Variants in MTUS2 observed in about 807,000 individuals in gnomAD.
The protein encoded by MTUS2 is microtubule associated scaffold protein 2, also known as microtubule-associated tumor suppressor candidate 2.
A neutral mutation model predicts 114.1 loss-of-function variants in MTUS2; 40 were observed. The observed-to-expected ratio is 0.35, with a 90% CI of 0.27 to 0.46. The LOEUF is 0.46. MTUS2 is among the 20% of genes least tolerant of loss of function. The pLI, the probability that MTUS2 is intolerant of heterozygous loss-of-function variation, is 1.00. For missense variants in MTUS2, 1,679 were observed against 1,705.4 expected, an observed-to-expected ratio of 0.98 and a Z score of 0.27; for synonymous variants, 688 against 672.0, an observed-to-expected ratio of 1.02 and a Z score of -0.37.
intron 5 of MTUS2, among the ~76,000 whole-genome samples, chr13:29,225,141 C>A (rs113619844): frequency 6.6e-6 from 1 of 152,228 alleles, no homozygotes; most frequent in Non-Finnish European, 1.5e-5. Context: ...CCAGTTCCTG[C>A]CTCCTGTAGG....
intron 2 of MTUS2, among the ~76,000 whole-genome samples, chr13:28,957,850 G>A (rs1200131452): frequency 6.6e-6 from 1 of 152,194 alleles, no homozygotes; most frequent in Non-Finnish European, 1.5e-5. Context: ...CATGAACCCT[G>A]CAATATGATG....
At chr13:29,342,142 T>G (rs9508384) in intron 7 of MTUS2, among the ~76,000 whole-genome samples, 110,502 of 151,950 alleles carry the variant, frequency 0.73, 44,221 homozygotes, top group East Asian at 0.9. Flanking sequence ...GACTCTTTTT[T>G]GGTTCTATAT....
intron 8 of MTUS2, among the ~76,000 whole-genome samples, chr13:29,373,324 G>A (rs866031648): frequency 1.3e-5 from 2 of 152,108 alleles, no homozygotes; most frequent in African/African-American, 4.8e-5. Flanking sequence ...TTATCTCCAT[G>A]TACACATACC....
At chr13:29,470,292 G>C (rs1428624148) in intron 9 of MTUS2, among the ~76,000 whole-genome samples, 1 of 152,174 alleles carries the variant, frequency 6.6e-6, no homozygotes, top group Non-Finnish European at 1.5e-5. Flanking sequence ...AAATTTAGCA[G>C]TCTTGAATTT....
At chr13:29,410,618 A>G (rs184915796) in intron 8 of MTUS2, among the ~76,000 whole-genome samples, 263 of 152,228 alleles carry the variant, frequency 1.7e-3, no homozygotes, top group African/African-American at 6.0e-3. Context: ...AGTTTTTTAT[A>G]TATTACAGAT....
intron 7 of MTUS2, among the ~76,000 whole-genome samples, chr13:29,343,235 A>G (rs1303717400): frequency 2.0e-5 from 3 of 152,022 alleles, no homozygotes; most frequent in Non-Finnish European, 4.4e-5. Flanking sequence ...GATTGGTACC[A>G]GTTCTTCTTT....
At chr13:29,154,859 A>G (rs944760348) in intron 5 of MTUS2, among the ~76,000 whole-genome samples, 1 of 152,216 alleles carries the variant, frequency 6.6e-6, no homozygotes, top group Non-Finnish European at 1.5e-5. Context: ...TTTTGAGTCT[A>G]TAATTTTTTA....
intron 8 of MTUS2, among the ~76,000 whole-genome samples, chr13:29,368,190 G>A (rs1240255694): frequency 4.6e-5 from 7 of 151,398 alleles, no homozygotes; most frequent in South Asian, 2.1e-4. Context: ...TGCCCACCTC[G>A]ACCTCCCAAA....
intron 2 of MTUS2, among the ~76,000 whole-genome samples, chr13:28,895,460 A>G (rs1879208418): frequency 1.3e-5 from 2 of 152,192 alleles, no homozygotes; most frequent in Admixed American, 6.5e-5. Context: ...TTGGAACCAC[A>G]TAACTCCCCA....
At chr13:29,337,517 AGTTGGAAATAC>A (rs1337930431) in intron 7 of MTUS2, among the ~76,000 whole-genome samples, 6 of 152,082 alleles carry the variant, frequency 3.9e-5, no homozygotes, top group Non-Finnish European at 7.4e-5. Context: ...CATGTACCTC[AGTTGGAAATAC>A]AAAAATCACC....
chr13:29,160,362 A>C (rs902023803), intron 5 of MTUS2, among the ~76,000 whole-genome samples: 2 of 152,258 alleles, frequency 1.3e-5, no homozygotes, highest in Non-Finnish European at 2.9e-5. Context: ...TATTGTGAGA[A>C]TACAGTATAT....
At chr13:29,150,322 A>G (rs1033277168) in intron 5 of MTUS2, among the ~76,000 whole-genome samples, 5 of 151,864 alleles carry the variant, frequency 3.3e-5, no homozygotes, top group Admixed American at 2.6e-4. Flanking sequence ...GCATTTTTTC[A>G]TATGTTTATT....
At chr13:29,129,569 TTTA>T (rs1256989352) in intron 5 of MTUS2, among the ~76,000 whole-genome samples, 1 of 55,826 alleles carries the variant, frequency 1.8e-5, no homozygotes, top group Non-Finnish European at 4.9e-5. Context: ...TGTAGTTTTT[TTTA>T]TTGATATATT....
intron 5 of MTUS2, among the ~76,000 whole-genome samples, chr13:29,273,772 T>C (rs1897961797): frequency 6.6e-6 from 1 of 152,226 alleles, no homozygotes; most frequent in Non-Finnish European, 1.5e-5. Flanking sequence ...GGACATTTCA[T>C]ATAAATGTAA....
intron 13 of MTUS2, among the ~76,000 whole-genome samples, chr13:29,498,052 ACCTG>A (rs772756274): frequency 1.2e-3 from 180 of 152,318 alleles, no homozygotes; most frequent in Non-Finnish European, 6.6e-4. Flanking sequence ...AGTCCCAGCT[ACCTG>A]GTGAATCAAG....
At chr13:29,081,563 G>A (rs1453579877) in intron 4 of MTUS2, among the ~76,000 whole-genome samples, 2 of 149,730 alleles carry the variant, frequency 1.3e-5, no homozygotes, top group Admixed American at 6.7e-5. Context: ...GAACTCCAAA[G>A]TGTTAGGTTG....
chr13:29,213,774 C>T (rs1266632445), intron 5 of MTUS2, among the ~76,000 whole-genome samples: 3 of 152,140 alleles, frequency 2.0e-5, no homozygotes, highest in Non-Finnish European at 4.4e-5. Context: ...ATTTTTATCC[C>T]ATCTGAAATC....
At chr13:29,126,971 C>T (rs1387042813) in intron 5 of MTUS2, among the ~76,000 whole-genome samples, 2 of 152,186 alleles carry the variant, frequency 1.3e-5, no homozygotes, top group African/African-American at 4.8e-5. Context: ...AGTGCTCAGT[C>T]AGTGTTCAGT....
intron 4 of MTUS2, among the ~76,000 whole-genome samples, chr13:29,046,187 A>C (rs932838848): frequency 8.0e-5 from 12 of 149,702 alleles, no homozygotes; most frequent in African/African-American, 3.0e-4. Flanking sequence ...ATGTCAGCTC[A>C]CTTCAGCCTC....
Sources: allele counts gnomAD v4.1 joint callset (sites outside exome capture counted in the v4.1 genomes callset), GRCh38; gene constraint gnomAD v4.1.1; transcripts MANE v1.5; gene names NCBI Gene and HGNC (gene_info 2026-07-23, HGNC 2026-07-21).